Variants in CXCL14 observed in about 807,000 individuals in gnomAD.
CXCL14 encodes the protein C-X-C motif chemokine 14.
Under a neutral mutation model 16.1 loss-of-function variants are expected in CXCL14, and 9 were observed. That is an observed-to-expected ratio of 0.56 (90% CI 0.34 to 0.97). The LOEUF (loss-of-function observed/expected upper bound fraction) is 0.97. Among genes scored for constraint, CXCL14 ranks in the 50% least tolerant of loss-of-function variants. The pLI, the probability that CXCL14 is intolerant of heterozygous loss-of-function variation, is 0.02. For synonymous variants in CXCL14, 55 were observed against 52.8 expected, an observed-to-expected ratio of 1.04 and a Z score of -0.18; for missense variants, 111 against 132.5, an observed-to-expected ratio of 0.84 and a Z score of 0.80.
In CXCL14 at chr5:135,578,457, C is replaced by T. The variant is rs1235290203; in HGVS notation, c.147G>A (p.Pro49=). The T allele has an allele frequency of 2.5e-6, 4 of 1,614,060 alleles. No homozygotes were observed. Among genetic ancestry groups the T allele is most frequent in the Non-Finnish European group, 3.4e-6 (4 of 1,179,994 alleles). ...ACATAACCATCTTCTCCTCGCAGTG[C>T]GGGTACTTTGGCTTCATTTCCAGCT... The part of the protein sequence containing the change: ...VKKLEMKPKY[P]HCEEKMVIIT... The change falls in exon 2 of 4, where the codon CCG becomes CCA. Residue 49 remains proline, a synonymous_variant. Transcript: ENST00000512158.
In CXCL14 at chr5:135,578,902, T is replaced by C; in HGVS notation, c.-124A>G. 9.2e-7 allele frequency: 1 copy of C among 1,083,176 alleles called. No individual in the cohort carries two copies. Among genetic ancestry groups the C allele is most frequent in the Non-Finnish European group, 1.2e-6 (1 of 800,304 alleles). The allele number at this position is 1,083,176 out of a possible 1,614,324, so 67.1% of individuals were successfully genotyped here. On this transcript the variant is annotated 5_prime_UTR_variant, in exon 1 of 4. Coordinates refer to ENST00000512158, the MANE Select transcript of CXCL14 (RefSeq NM_004887.5). ...CTCTGCCCGGGGCGCGCCTTCCGGC[T>C]CTGCTGGCTCCGGCTGCGCCGTCGG...
At position 135,578,500 on chromosome 5, in the gene CXCL14, C is replaced by T. The variant is rs1751154816; in HGVS notation, c.104G>A (p.Arg35His). ...TTCCAGCTTCTTCACGTCGCTGTAG[C>T]GGATCTTGGGTCCCTTCCGGGAGCA... is the stretch of plus-strand genomic sequence containing the variant. ...CKCSRKGPKI[R>H]YSDVKKLEMK... Residue 35 changes from arginine (R) to histidine (H), a missense_variant, in exon 2 of 4, where the codon CGC (arginine) becomes CAC (histidine). Coordinates refer to ENST00000512158, the MANE Select transcript of CXCL14 (RefSeq NM_004887.5). 1.9e-6 allele frequency: 3 copies of T among 1,614,240 alleles called. No individual in the cohort carries two copies. The highest frequency in any genetic ancestry group is 2.5e-6 in the Non-Finnish European group (3 of 1,180,040).
rs1751162191 is a variant in CXCL14 at position 135,578,744 on chromosome 5, A to G, written c.35T>C (p.Leu12Pro). 2 of 1,546,742 alleles carry G rather than the reference A, an allele frequency of 1.3e-6. No homozygotes were observed. Among genetic ancestry groups the G allele is most frequent in the African/African-American group, 1.4e-5 (1 of 72,738 alleles). The change falls in exon 1 of 4, where the codon CTG becomes CCG. Residue 12 changes from leucine to proline, a missense_variant. Transcript: ENST00000512158. The part of the protein sequence containing the change: ...RLLAAALLLL[L>P]LALYTARVDG... ...CACACGCGCGGTGTACAGCGCCAGC[A>G]GCAGCAGGAGCAGCGCGGCCGCCAG...
At position 135,574,575 on chromosome 5, in the gene CXCL14, C is replaced by G; in HGVS notation, c.281G>C (p.Arg94Pro). ...IKWYNAWNEKRRVYEE is the reference protein window; with the variant it reads ...IKWYNAWNEKPRVYEE ...GGTGAGTAGAGGCGGGGCGTACCTG[C>G]GCTTCTCGTTCCAGGCGTTGTACCA... Residue 94 changes from arginine to proline, a missense_variant, in exon 3 of 4, where the codon CGC becomes CCC. Arg to Pro is a moderately radical substitution (Grantham distance 103, BLOSUM62 -2). Coordinates refer to ENST00000512158, the MANE Select transcript of CXCL14 (RefSeq NM_004887.5). 6.2e-7 allele frequency: 1 copy of G among 1,611,636 alleles called. No homozygotes were observed. The highest frequency in any genetic ancestry group is 8.5e-7 in the Non-Finnish European group (1 of 1,179,252).
intron 2 of CXCL14, among the ~76,000 whole-genome samples, chr5:135,576,838 C>T (rs1464828063): frequency 6.6e-6 from 1 of 151,642 alleles, no homozygotes; most frequent in Non-Finnish European, 1.5e-5. Flanking sequence ...GGCTGAAAAC[C>T]TGCTTTGCAA....
intron 2 of CXCL14, among the ~76,000 whole-genome samples, chr5:135,576,828 G>T (rs774241544): frequency 7.4e-5 from 11 of 149,420 alleles, no homozygotes; most frequent in Non-Finnish European, 1.2e-4. Flanking sequence ...CAGCCTTTGT[G>T]GCTGAAAACC....
At chr5:135,577,386 A>G (rs1034776126) in intron 2 of CXCL14, among the ~76,000 whole-genome samples, 2 of 152,168 alleles carry the variant, frequency 1.3e-5, no homozygotes, top group African/African-American at 4.8e-5. Flanking sequence ...CAAGCAAGTT[A>G]ATTTAGGTGT....
At chr5:135,574,910 T>C (rs1186030200) in intron 2 of CXCL14, among the ~76,000 whole-genome samples, 3 of 152,154 alleles carry the variant, frequency 2.0e-5, no homozygotes, top group Non-Finnish European at 2.9e-5. Context: ...ACCCTGTATG[T>C]AGTGAGCAGC....
chr5:135,572,348 T>G (rs1409505744), intron 3 of CXCL14, among the ~76,000 whole-genome samples: 1 of 152,212 alleles, frequency 6.6e-6, no homozygotes, highest in African/African-American at 2.4e-5. Context: ...GCTTGTATAT[T>G]TCTTTGTATT....
rs1449637023 is a variant in CXCL14, at chr5:135,570,992, T to A, written c.*861A>T. On this transcript the variant is annotated 3_prime_UTR_variant, in exon 4 of 4. Coordinates refer to ENST00000512158, the MANE Select transcript of CXCL14 (RefSeq NM_004887.5). ...GGGAAAGAAACATGCTTTGAAGGTT[T>A]TCCCTTGTCAACAGAATGTGTGTCT... The A allele has an allele frequency of 6.6e-6, 1 of 152,220 alleles. No homozygotes were observed. Among genetic ancestry groups the A allele is most frequent in the Non-Finnish European group, 1.5e-5 (1 of 68,044 alleles). 9.4% of individuals were successfully genotyped at this position (152,220 alleles called of 1,614,324 possible). A position where few individuals can be genotyped will look rare whatever the true frequency, so the allele number is the denominator to read the frequency against.
intron 3 of CXCL14, among the ~76,000 whole-genome samples, chr5:135,572,873 T>G (rs1561740498): frequency 6.6e-6 from 1 of 152,176 alleles, no homozygotes; most frequent in Non-Finnish European, 1.5e-5. Context: ...ACTTCCTTTA[T>G]CACTGTTCTA....
chr5:135,578,544 G>A lies in CXCL14; in HGVS notation c.65-5C>T, dbSNP rs749522745. On this transcript the variant is annotated splice_polypyrimidine_tract_variant and splice_region_variant and intron_variant, in intron 1 of 3. Transcript: ENST00000512158. ...GGGAGCACTTGCATTTGGACCCTGC[G>A]AGCGAGCGCGGGGCAACGGCTTAGT... is the stretch of plus-strand genomic sequence containing the variant. 3 of 1,613,946 alleles carry A rather than the reference G, an allele frequency of 1.9e-6. No individual in the cohort carries two copies. The highest frequency in any genetic ancestry group is 2.5e-6 in the Non-Finnish European group (3 of 1,179,850).
chr5:135,571,765 T>G lies in CXCL14; in HGVS notation c.*88A>C. The G allele has an allele frequency of 5.2e-6, 1 of 190,542 alleles. No individual in the cohort carries two copies. 11.8% of individuals were successfully genotyped at this position (190,542 alleles called of 1,614,324 possible). On this transcript the variant is annotated 3_prime_UTR_variant, in exon 4 of 4. Coordinates refer to ENST00000512158, the MANE Select transcript of CXCL14 (RefSeq NM_004887.5). ...GGCTTTTTTTTTTTTTTTTTTTTTTTTTTTTTTTTTTTTTTTTTTTAATCT... is the reference window on the plus strand; with the variant it reads ...GGCTTTTTTTTTTTTTTTTTTTTTTGTTTTTTTTTTTTTTTTTTTTAATCT...
chr5:135,577,681 C>T (rs1232776048), intron 2 of CXCL14, among the ~76,000 whole-genome samples: 1 of 152,196 alleles, frequency 6.6e-6, no homozygotes, highest in Non-Finnish European at 1.5e-5. Flanking sequence ...CCCTTCCTGG[C>T]CAAGAGCATA....
intron 3 of CXCL14, among the ~76,000 whole-genome samples, chr5:135,573,709 CGTGT>C (rs3057739): frequency 0.016 from 2,267 of 145,428 alleles, 20 homozygotes; most frequent in East Asian, 0.02. Flanking sequence ...TGCATGCATG[CGTGT>C]GTGTGTGTGT....
At chr5:135,573,470 G>T (rs1371198889) in intron 3 of CXCL14, among the ~76,000 whole-genome samples, 2 of 152,184 alleles carry the variant, frequency 1.3e-5, no homozygotes, top group African/African-American at 4.8e-5. Flanking sequence ...TGAGCTTGGG[G>T]TAGCATGGCT....
Position 135,578,869 on chromosome 5 carries a change from T to A in CXCL14, c.-91A>T. On this transcript the variant is annotated 5_prime_UTR_variant, in exon 1 of 4. Coordinates refer to ENST00000512158, the MANE Select transcript of CXCL14 (RefSeq NM_004887.5). Reference sequence around the variant, plus strand: ...GCCCGGAGACGCCACCCAGCTCTGCTCGGCTTTCTCTGCCCGGGGCGCGCC... The same window carrying A: ...GCCCGGAGACGCCACCCAGCTCTGCACGGCTTTCTCTGCCCGGGGCGCGCC... 1 of 1,339,916 alleles carries A rather than the reference T, an allele frequency of 7.5e-7. No individual in the cohort carries two copies. Among genetic ancestry groups the A allele is most frequent in the Non-Finnish European group, 9.8e-7 (1 of 1,022,922 alleles). The allele number at this position is 1,339,916 out of a possible 1,614,324, so 83.0% of individuals were successfully genotyped here.
At chr5:135,575,920 C>T (rs1031763171) in intron 2 of CXCL14, among the ~76,000 whole-genome samples, 1 of 152,112 alleles carries the variant, frequency 6.6e-6, no homozygotes, top group Non-Finnish European at 1.5e-5. Flanking sequence ...CAGAGGTCAG[C>T]TAGTTCCCCA....
Position 135,571,775 on chromosome 5 carries a change from TTTTTTTTTTTAATCTG to T in CXCL14, c.*62_*77del. Reference sequence around the variant, plus strand: ...TTTTTTTTTTTTTTTTTTTTTTTTTTTTTTTTTTTTAATCTGCAAAGTCCTTTGCACAAGTCTCCCA... The same window carrying T: ...TTTTTTTTTTTTTTTTTTTTTTTTTTCAAAGTCCTTTGCACAAGTCTCCCA... On this transcript the variant is annotated 3_prime_UTR_variant, in exon 4 of 4. Coordinates refer to ENST00000512158, the MANE Select transcript of CXCL14 (RefSeq NM_004887.5). The T allele has an allele frequency of 2.9e-6, 1 of 339,148 alleles. No individual in the cohort carries two copies. The allele number at this position is 339,148 out of a possible 1,614,324, so 21.0% of individuals were successfully genotyped here.
Sources: gnomAD v4.1 joint callset for allele counts (sites outside exome capture counted in the v4.1 genomes callset) on GRCh38, gnomAD v4.1.1 for gene constraint, MANE v1.5 for transcripts, NCBI Gene and HGNC (gene_info 2026-07-23, HGNC 2026-07-21) for gene names.